CYP7B1: variants seen among roughly 807,000 people sequenced by gnomAD.
CYP7B1 encodes cytochrome P450 family 7 subfamily B member 1, also known as cytochrome P450 7B1.
CYP7B1 carries 29 observed loss-of-function variants against 42.7 expected under a neutral mutation model. The observed-to-expected ratio is 0.68, with a 90% CI of 0.51 to 0.93. The LOEUF (loss-of-function observed/expected upper bound fraction) is 0.93. Among genes scored for constraint, CYP7B1 ranks in the 40% least tolerant of loss-of-function variants. CYP7B1 has a pLI of 0.00. For missense variants in CYP7B1, 655 were observed against 600.5 expected (o/e 1.09, Z -0.95); for synonymous variants, 235 against 218.2 (o/e 1.08, Z -0.68).
chr8:64,742,886 C>T (rs1443404501), intron 1 of CYP7B1, among the ~76,000 whole-genome samples: 2 of 152,148 alleles, frequency 1.3e-5, no homozygotes, highest in Non-Finnish European at 2.9e-5. Flanking sequence ...TCTTTGCATA[C>T]TTTATCATGT....
intron 1 of CYP7B1, among the ~76,000 whole-genome samples, chr8:64,637,739 A>C (rs537486059): frequency 6.6e-6 from 1 of 152,286 alleles, no homozygotes; most frequent in Non-Finnish European, 1.5e-5. Flanking sequence ...TTGTGAAATA[A>C]ACTTTCAATG....
intron 1 of CYP7B1, among the ~76,000 whole-genome samples, chr8:64,761,936 T>A (rs1807897161): frequency 1.3e-5 from 2 of 152,230 alleles, no homozygotes; most frequent in South Asian, 4.1e-4. Flanking sequence ...CTCCTATGCA[T>A]ATTCCATGGT....
intron 1 of CYP7B1, among the ~76,000 whole-genome samples, chr8:64,736,861 G>A (rs1807496407): frequency 6.6e-6 from 1 of 151,908 alleles, no homozygotes; most frequent in African/African-American, 2.4e-5. Context: ...TCTGTCTACT[G>A]TCTATAACAG....
At chr8:64,693,866 AAC>A (rs1356013473) in intron 1 of CYP7B1, among the ~76,000 whole-genome samples, 1 of 152,316 alleles carries the variant, frequency 6.6e-6, no homozygotes, top group East Asian at 1.9e-4. Flanking sequence ...TTAGAGAGGT[AAC>A]AGTCTTCCCA....
chr8:64,724,382 C>T (rs1051999283), intron 1 of CYP7B1, among the ~76,000 whole-genome samples: 2 of 152,068 alleles, frequency 1.3e-5, no homozygotes, highest in Non-Finnish European at 2.9e-5. Flanking sequence ...CCTGGCCTCG[C>T]GTGATCCACC....
chr8:64,724,763 C>T (rs777595848), intron 1 of CYP7B1, among the ~76,000 whole-genome samples: 2 of 152,112 alleles, frequency 1.3e-5, no homozygotes, highest in Non-Finnish European at 2.9e-5. Flanking sequence ...AGCCTCAGAA[C>T]GAAGATCTCT....
chr8:64,607,865 A>G (rs545283997), intron 4 of CYP7B1, among the ~76,000 whole-genome samples: 1 of 152,380 alleles, frequency 6.6e-6, no homozygotes, highest in East Asian at 1.9e-4. Flanking sequence ...ATTAGAATGC[A>G]TTGTCGAAAA....
rs1289049966 is a variant in CYP7B1 at position 64,619,174 on chromosome 8, T to C, written c.260-2893A>G. On this transcript the variant is annotated intron_variant, in intron 2 of 5. Coordinates refer to ENST00000310193, the MANE Select transcript of CYP7B1 (RefSeq NM_004820.5). ...TGTGAGATGCAAAACCAGAGTTTCT[T>C]TGTGATCTTTAATCAGACAGTTAGG... Among the ~76,000 whole-genome samples the C allele has an allele frequency of 3.9e-5, 6 of 152,358 alleles. No homozygotes were observed. The East Asian group carries it at 1.2e-3, about 29-fold the overall frequency.
At chr8:64,797,297 C>T (rs184164952) in intron 1 of CYP7B1, among the ~76,000 whole-genome samples, 1 of 152,262 alleles carries the variant, frequency 6.6e-6, no homozygotes, top group East Asian at 1.9e-4. Context: ...CCTTCTTTTA[C>T]CACCTCTCTT....
chr8:64,763,156 C>A (rs529170530), intron 1 of CYP7B1, among the ~76,000 whole-genome samples: 2 of 152,228 alleles, frequency 1.3e-5, no homozygotes, highest in Non-Finnish European at 2.9e-5. Context: ...GTCCACTGTG[C>A]TCCTGATCCA....
intron 2 of CYP7B1, among the ~76,000 whole-genome samples, chr8:64,618,675 G>A (rs561226219): frequency 2.0e-5 from 3 of 151,534 alleles, no homozygotes; most frequent in African/African-American, 7.3e-5. Flanking sequence ...AAGGGTATGG[G>A]AAAAAACAAT....
intron 1 of CYP7B1, among the ~76,000 whole-genome samples, chr8:64,781,310 A>G (rs1457751291): frequency 6.6e-6 from 1 of 152,134 alleles, no homozygotes; most frequent in Non-Finnish European, 1.5e-5. Context: ...TGGCCATTAC[A>G]CTAGTTTTCT....
At chr8:64,758,803 G>A (rs1012931130) in intron 1 of CYP7B1, among the ~76,000 whole-genome samples, 4 of 152,124 alleles carry the variant, frequency 2.6e-5, no homozygotes, top group African/African-American at 9.7e-5. Context: ...CCAGAGTACT[G>A]TTTCAATAGT....
intron 1 of CYP7B1, among the ~76,000 whole-genome samples, chr8:64,696,481 T>G (rs1806830040): frequency 6.6e-6 from 1 of 152,198 alleles, no homozygotes; most frequent in South Asian, 2.1e-4. Context: ...GACCATCTTT[T>G]GCAGATGAAA....
intron 1 of CYP7B1, among the ~76,000 whole-genome samples, chr8:64,712,288 T>TA (rs1481711449): frequency 2.0e-5 from 3 of 151,540 alleles, no homozygotes; most frequent in Admixed American, 6.6e-5. Context: ...TTTTTTTTTT[T>TA]AAAACAAAAC....
At chr8:64,740,899 T>C (rs930556592) in intron 1 of CYP7B1, among the ~76,000 whole-genome samples, 3 of 152,080 alleles carry the variant, frequency 2.0e-5, no homozygotes, top group African/African-American at 7.2e-5. Context: ...CCAGATGATA[T>C]AAATGGCAAA....
chr8:64,668,594 A>G (rs1404443692), intron 1 of CYP7B1, among the ~76,000 whole-genome samples: 1 of 152,000 alleles, frequency 6.6e-6, no homozygotes, highest in East Asian at 1.9e-4. Context: ...TGCCTCCTAT[A>G]ATGGATTGGT....
At chr8:64,587,211 C>T (rs563841901), downstream of CYP7B1, among the ~76,000 whole-genome samples, 1 of 152,186 alleles carries the variant, frequency 6.6e-6, no homozygotes, top group African/African-American at 2.4e-5. Context: ...AGCACTCGCG[C>T]CCACCGCGCT....
chr8:64,754,365 T>C (rs1162847425), intron 1 of CYP7B1, among the ~76,000 whole-genome samples: 3 of 152,210 alleles, frequency 2.0e-5, no homozygotes, highest in Non-Finnish European at 4.4e-5. Flanking sequence ...ATAAATTTAA[T>C]TTTTAAGATC....
Sources: allele counts gnomAD v4.1 joint callset (sites outside exome capture counted in the v4.1 genomes callset), GRCh38; gene constraint gnomAD v4.1.1; transcripts MANE v1.5; gene names NCBI Gene and HGNC (gene_info 2026-07-23, HGNC 2026-07-21).